HELZ: variants seen among roughly 807,000 people sequenced by gnomAD.
The protein encoded by HELZ is helicase with zinc finger.
HELZ carries 23 observed loss-of-function variants against 218.2 expected under a neutral mutation model. The ratio of observed to expected loss-of-function variants is 0.11; its 90% CI spans 0.08 to 0.15. The LOEUF (loss-of-function observed/expected upper bound fraction) is 0.15, where lower values mean the gene tolerates loss of function less well. HELZ is among the 10% of genes least tolerant of loss of function. The pLI, the probability that HELZ is intolerant of heterozygous loss-of-function variation, is 1.00. For missense variants in HELZ, 1,813 were observed against 2,353.7 expected (o/e 0.77, Z 4.75); for synonymous variants, 814 against 829.4 (o/e 0.98, Z 0.32).
chr17:67,120,564 T>C lies in HELZ; in HGVS notation c.3679A>G (p.Ile1227Val), dbSNP rs770545962. The C allele has an allele frequency of 6.2e-6, 10 of 1,613,346 alleles. 1 individual carries two copies. Among genetic ancestry groups the C allele is most frequent in the South Asian group, 1.1e-5 (1 of 91,032 alleles). ...TAGGCCATTGCTGCCTGATGTGTAA[T>C]AATTCGAGGATCAACTGCAAACCTA... ...QGRFAVDPRI[I>V]THQAAMAYNM... The change falls in exon 27 of 33, where the codon ATT becomes GTT. Residue 1227 changes from isoleucine (I) to valine (V), a missense_variant. Physicochemically the swap from Ile to Val is conservative, Grantham distance 29. Around this residue, in one of 4 missense-constraint regions of HELZ, gnomAD observed 938 missense variants for 1,027.5 expected, o/e 0.91. Transcript: ENST00000358691.
At chr17:67,207,874 C>T (rs895942297) in intron 5 of HELZ, among the ~76,000 whole-genome samples, 2 of 152,078 alleles carry the variant, frequency 1.3e-5, no homozygotes, top group Admixed American at 6.6e-5. Flanking sequence ...CCAGGCATGG[C>T]GGCGCATACC....
At chr17:67,173,739 C>T (rs1476185530) in intron 13 of HELZ, among the ~76,000 whole-genome samples, 2 of 151,852 alleles carry the variant, frequency 1.3e-5, no homozygotes, top group Non-Finnish European at 2.9e-5. Flanking sequence ...CTGTCACCAA[C>T]AGAAGCAGCA....
chr17:67,103,784 T>C (rs1028077056), intron 31 of HELZ, among the ~76,000 whole-genome samples: 1 of 152,146 alleles, frequency 6.6e-6, no homozygotes, highest in Admixed American at 6.5e-5. Context: ...GAACCCAGAA[T>C]AGCCAAAACA....
chr17:67,152,624 T>C (rs1431050346), intron 17 of HELZ, among the ~76,000 whole-genome samples: 1 of 152,042 alleles, frequency 6.6e-6, no homozygotes, highest in Non-Finnish European at 1.5e-5. Flanking sequence ...GCATATTCAG[T>C]AGATATCCAA....
chr17:67,083,792 C>T (rs1338001151), intron 32 of HELZ, among the ~76,000 whole-genome samples: 1 of 152,246 alleles, frequency 6.6e-6, no homozygotes, highest in Non-Finnish European at 1.5e-5. Flanking sequence ...CTCTGCAGTG[C>T]AACTGGGTCA....
chr17:67,233,405 A>G (rs1203588618), intron 3 of HELZ, among the ~76,000 whole-genome samples: 1 of 152,192 alleles, frequency 6.6e-6, no homozygotes, highest in African/African-American at 2.4e-5. Context: ...TCACTCCCCA[A>G]CATAACTATG....
chr17:67,236,610 T>C (rs2143481520), intron 3 of HELZ, among the ~76,000 whole-genome samples: 1 of 152,274 alleles, frequency 6.6e-6, no homozygotes, highest in African/African-American at 2.4e-5. Flanking sequence ...ATAAAATCTA[T>C]AAGATGTAAA....
intron 13 of HELZ, 97 bp downstream of exon 13, chr17:67,178,562 C>G (rs899374545): frequency 1.0e-6 from 1 of 973,736 alleles, no homozygotes; most frequent in African/African-American, 1.6e-5. Context: ...CAACCATTTA[C>G]TACCTGTCTT....
chr17:67,171,099 C>T (rs1041562042), intron 13 of HELZ, among the ~76,000 whole-genome samples: 2 of 151,086 alleles, frequency 1.3e-5, no homozygotes, highest in African/African-American at 2.4e-5. Context: ...CTTCCAAGGA[C>T]TTCTGTATGG....
At chr17:67,086,360 C>T (rs927407271) in intron 32 of HELZ, among the ~76,000 whole-genome samples, 19 of 151,436 alleles carry the variant, frequency 1.3e-4, no homozygotes, top group Admixed American at 1.2e-3. Flanking sequence ...CGAGGCGGGT[C>T]GATCACCTGA....
At chr17:67,086,077 A>C (rs1014792686) in intron 32 of HELZ, among the ~76,000 whole-genome samples, 2 of 152,210 alleles carry the variant, frequency 1.3e-5, no homozygotes, top group African/African-American at 2.4e-5. Flanking sequence ...TCAACACTTT[A>C]CTGACAACAA....
Position 67,074,962 on chromosome 17 carries a change from G to C in HELZ, c.*3290C>G, listed in dbSNP as rs902441986. Reference sequence around the variant, plus strand: ...GTGAGGAAAGGAAAATTAAGGTCATGTTAGTTTAAATGGTCAATAATTAAC... The same window carrying C: ...GTGAGGAAAGGAAAATTAAGGTCATCTTAGTTTAAATGGTCAATAATTAAC... On this transcript the variant is annotated 3_prime_UTR_variant, in exon 33 of 33. Transcript: ENST00000358691. 2.6e-5 allele frequency: 4 copies of C among 151,998 alleles called. No individual in the cohort carries two copies. Among genetic ancestry groups the C allele is most frequent in the African/African-American group, 9.7e-5 (4 of 41,428 alleles). The allele number at this position is 151,998 out of a possible 1,614,324, so 9.4% of individuals were successfully genotyped here. A position where few individuals can be genotyped will look rare whatever the true frequency, so the allele number is the denominator to read the frequency against.
chr17:67,194,181 A>G, intron 8 of HELZ, 139 bp from the exon 9 acceptor site: 1 of 617,628 alleles, frequency 1.6e-6, no homozygotes, highest in East Asian at 2.9e-5. Flanking sequence ...ACTTGCCTCT[A>G]CCAAAAAGTA....
At chr17:67,134,922 C>T (rs2038100647) in intron 23 of HELZ, among the ~76,000 whole-genome samples, 2 of 151,902 alleles carry the variant, frequency 1.3e-5, no homozygotes, top group South Asian at 4.2e-4. Flanking sequence ...TTAAGTAATC[C>T]CTAGTGTATT....
intron 5 of HELZ, 129 bp from the exon 6 acceptor site, chr17:67,203,572 G>A (rs914137745): frequency 9.9e-7 from 1 of 1,007,446 alleles, no homozygotes; most frequent in Non-Finnish European, 1.4e-6. Context: ...ATACTCTAGA[G>A]GGAAGCAGTG....
intron 5 of HELZ, among the ~76,000 whole-genome samples, chr17:67,211,166 T>C (rs2040440102): frequency 1.3e-5 from 2 of 152,302 alleles, no homozygotes; most frequent in Admixed American, 6.5e-5. Context: ...ATGTTTACTC[T>C]TATTGAAGCA....
At chr17:67,224,941 G>A (rs750230142) in intron 3 of HELZ, 137 of 712,338 alleles carry the variant, frequency 1.9e-4, no homozygotes, top group Admixed American at 6.9e-4. Flanking sequence ...ACTTGAGTGC[G>A]TTGAGCCCAA....
chr17:67,082,771 T>C (rs1035102792), intron 32 of HELZ, among the ~76,000 whole-genome samples: 5 of 152,036 alleles, frequency 3.3e-5, no homozygotes, highest in African/African-American at 1.2e-4. Context: ...GTTCAAGAAC[T>C]TACTATTTTT....
At chr17:67,123,823 G>GTGTGTGTA (rs1464257816) in intron 25 of HELZ, 140 bp downstream of exon 25, 279 of 684,942 alleles carry the variant, frequency 4.1e-4, no homozygotes, top group Non-Finnish European at 7.1e-4. Flanking sequence ...GACTGTGTGT[G>GTGTGTGTA]TGTGTGTGTG....
Sources: gnomAD v4.1 joint callset for allele counts (sites outside exome capture counted in the v4.1 genomes callset) on GRCh38, gnomAD v4.1.1 for gene constraint, gnomAD v4.1.1 regional missense constraint, MANE v1.5 for transcripts, NCBI Gene and HGNC (gene_info 2026-07-23, HGNC 2026-07-21) for gene names.